LRRFIP2: variants seen among roughly 807,000 people sequenced by gnomAD.
The protein encoded by LRRFIP2 is LRR binding FLII interacting protein 2.
A neutral mutation model predicts 125.9 loss-of-function variants in LRRFIP2; 109 were observed. That is an observed-to-expected ratio of 0.87 (90% CI 0.74 to 1.01). The LOEUF is 1.01. Among genes scored for constraint, LRRFIP2 ranks in the 50% least tolerant of loss-of-function variants. The pLI is 0.00. For synonymous variants in LRRFIP2, 291 were observed against 293.1 expected (o/e 0.99, Z 0.07); for missense variants, 850 against 862.3 (o/e 0.99, Z 0.18).
intron 8 of LRRFIP2, among the ~76,000 whole-genome samples, chr3:37,112,497 A>G (rs1247748587): frequency 6.6e-6 from 1 of 152,328 alleles, no homozygotes; most frequent in Middle Eastern, 3.4e-3. Context: ...TTACATATTT[A>G]TTGAAGAAAC....
intron 7 of LRRFIP2, among the ~76,000 whole-genome samples, chr3:37,113,392 A>G (rs112296644): frequency 1.3e-5 from 2 of 152,150 alleles, no homozygotes; most frequent in African/African-American, 2.4e-5. Flanking sequence ...ACTGCAGCCT[A>G]GAACTCCTGG....
At chr3:37,128,241 A>G (rs934171736) in intron 3 of LRRFIP2, among the ~76,000 whole-genome samples, 1 of 152,338 alleles carries the variant, frequency 6.6e-6, no homozygotes, top group East Asian at 1.9e-4. Context: ...TGCTCACAGA[A>G]AATTCACCAC....
intron 14 of LRRFIP2, among the ~76,000 whole-genome samples, chr3:37,103,784 T>G (rs1576630079): frequency 6.6e-6 from 1 of 152,142 alleles, no homozygotes; most frequent in African/African-American, 2.4e-5. Flanking sequence ...TTCTTTCTTT[T>G]TGTTTCTTTA....
chr3:37,074,878 T>C (rs1334436838), intron 20 of LRRFIP2, 146 bp downstream of exon 20: 1 of 567,602 alleles, frequency 1.8e-6, no homozygotes, highest in East Asian at 2.8e-5. Flanking sequence ...CATAATCTGG[T>C]TTATGTTTGA....
At chr3:37,160,954 CA>C (rs1442543623) in intron 1 of LRRFIP2, among the ~76,000 whole-genome samples, 1 of 152,102 alleles carries the variant, frequency 6.6e-6, no homozygotes, top group Non-Finnish European at 1.5e-5. Context: ...CTACTCCTAA[CA>C]GCCAAAAGTG....
At chr3:37,145,038 T>A (rs1355560882) in intron 2 of LRRFIP2, among the ~76,000 whole-genome samples, 1 of 152,200 alleles carries the variant, frequency 6.6e-6, no homozygotes, top group Non-Finnish European at 1.5e-5. Flanking sequence ...ATTTACTGTG[T>A]TGCCATGGTT....
chr3:37,134,773 G>T, intron 2 of LRRFIP2: 1 of 791,136 alleles, frequency 1.3e-6, no homozygotes, highest in South Asian at 1.3e-5. Flanking sequence ...ACAATTATGG[G>T]ACCTAATGAC....
In LRRFIP2 at chr3:37,129,254, C is replaced by A. The variant is rs997435462; in HGVS notation, c.91-105G>T. ...GACATTACCACGCAAAAGGGGTGGGCAGGAGAAGATATTATCTATCAGCAA... is the reference window on the plus strand; with the variant it reads ...GACATTACCACGCAAAAGGGGTGGGAAGGAGAAGATATTATCTATCAGCAA... On this transcript the variant is annotated intron_variant, in intron 2 of 27. Coordinates refer to ENST00000336686, the MANE Select transcript of LRRFIP2 (RefSeq NM_006309.4). 21 of 894,436 alleles carry A rather than the reference C, an allele frequency of 2.3e-5. No homozygotes were observed. The African/African-American group carries it at 3.5e-4, about 15-fold the overall frequency. 55.4% of individuals were successfully genotyped at this position (894,436 alleles called of 1,614,324 possible). A position where few individuals can be genotyped will look rare whatever the true frequency, so the allele number is the denominator to read the frequency against.
At chr3:37,168,547 A>G (rs1203635355) in intron 1 of LRRFIP2, among the ~76,000 whole-genome samples, 2 of 152,258 alleles carry the variant, frequency 1.3e-5, no homozygotes, top group African/African-American at 4.8e-5. Flanking sequence ...TTTAATGGGC[A>G]GAGCTTGTTT....
At chr3:37,111,205 A>C in intron 8 of LRRFIP2, 140 bp from the exon 9 acceptor site, 1 of 597,594 alleles carries the variant, frequency 1.7e-6, no homozygotes, top group Non-Finnish European at 3.0e-6. Flanking sequence ...TTAAATCATC[A>C]TATCACATTA....
chr3:37,099,804 C>G (rs185096972), intron 15 of LRRFIP2, among the ~76,000 whole-genome samples: 1 of 152,128 alleles, frequency 6.6e-6, no homozygotes, highest in African/African-American at 2.4e-5. Flanking sequence ...TATAGGCTTG[C>G]AGAAACATGA....
chr3:37,115,170 G>T, intron 6 of LRRFIP2, 75 bp from the exon 7 acceptor site: 1 of 1,026,238 alleles, frequency 9.7e-7, no homozygotes, highest in Non-Finnish European at 1.5e-6. Flanking sequence ...AGTAATATTT[G>T]AGGTTATTTT....
At chr3:37,093,405 A>G (rs2093569097) in intron 17 of LRRFIP2, among the ~76,000 whole-genome samples, 1 of 151,968 alleles carries the variant, frequency 6.6e-6, no homozygotes, top group African/African-American at 2.4e-5. Context: ...TCCTCTCTCT[A>G]CTGGTTCAAC....
intron 6 of LRRFIP2, among the ~76,000 whole-genome samples, chr3:37,118,309 T>C (rs1007585142): frequency 3.9e-5 from 6 of 152,192 alleles, no homozygotes; most frequent in Non-Finnish European, 7.3e-5. Flanking sequence ...GTGATTCTGC[T>C]GCATCAGCCT....
chr3:37,166,014 A>G (rs1359905163), intron 1 of LRRFIP2, among the ~76,000 whole-genome samples: 2 of 152,160 alleles, frequency 1.3e-5, no homozygotes, highest in East Asian at 1.9e-4. Flanking sequence ...AGAAGCAACA[A>G]AAGAAAAGGT....
intron 26 of LRRFIP2, 43 bp from the exon 27 acceptor site, chr3:37,054,558 A>G: frequency 1.5e-6 from 2 of 1,310,040 alleles, no homozygotes; most frequent in South Asian, 1.3e-5. Flanking sequence ...GGGCACTAGA[A>G]GTCACCACTT....
At chr3:37,176,053 C>A (rs1408500004), upstream of LRRFIP2, 1 of 152,238 alleles carries the variant, frequency 6.6e-6, no homozygotes, top group Admixed American at 6.5e-5. Context: ...GGAGGAGCGG[C>A]CCTTACCTGT....
chr3:37,156,168 C>T (rs987900759), intron 1 of LRRFIP2, among the ~76,000 whole-genome samples: 1 of 152,110 alleles, frequency 6.6e-6, no homozygotes, highest in Non-Finnish European at 1.5e-5. Flanking sequence ...AGCCACCATG[C>T]TCGGGCTATG....
chr3:37,070,338 T>C (rs1421501339), intron 21 of LRRFIP2, among the ~76,000 whole-genome samples: 1 of 150,758 alleles, frequency 6.6e-6, no homozygotes, highest in East Asian at 2.0e-4. Flanking sequence ...GGTCTCGAAC[T>C]CTTGACCTCA....
Sources: gnomAD v4.1 joint callset for allele counts (sites outside exome capture counted in the v4.1 genomes callset) on GRCh38, gnomAD v4.1.1 for gene constraint, MANE v1.5 for transcripts, NCBI Gene and HGNC (gene_info 2026-07-23, HGNC 2026-07-21) for gene names.